Variants in GRIA4 observed in about 807,000 individuals in gnomAD.
The protein encoded by GRIA4 is glutamate ionotropic receptor AMPA type subunit 4.
Under a neutral mutation model 104.0 loss-of-function variants are expected in GRIA4, and 34 were observed. The ratio of observed to expected loss-of-function variants is 0.33; its 90% CI spans 0.25 to 0.44. GRIA4 has a LOEUF of 0.44. GRIA4 is among the 20% of genes least tolerant of loss of function. The pLI, the probability that GRIA4 is intolerant of heterozygous loss-of-function variation, is 1.00. For synonymous variants in GRIA4, 386 were observed against 381.9 expected, an observed-to-expected ratio of 1.01 and a Z score of -0.13; for missense variants, 750 against 1,096.5, an observed-to-expected ratio of 0.68 and a Z score of 4.46.
Position 105,910,418 on chromosome 11 carries a change from T to C in GRIA4, c.1159-17T>C, listed in dbSNP as rs1348260561. ...TGCTTCTAAAATATGTTTTCAAGCA[T>C]GTTCTCTATTTGGCAGGTTGGTTAC... is the stretch of plus-strand genomic sequence containing the variant. On this transcript the variant is annotated splice_polypyrimidine_tract_variant and intron_variant, in intron 9 of 16. Transcript: ENST00000282499. 2 of 1,185,370 alleles carry C rather than the reference T, an allele frequency of 1.7e-6. No individual in the cohort carries two copies. Among genetic ancestry groups the C allele is most frequent in the Non-Finnish European group, 2.5e-6 (2 of 788,710 alleles). 73.4% of individuals were successfully genotyped at this position (1,185,370 alleles called of 1,614,324 possible).
At chr11:105,646,012 G>A (rs974918993) in intron 3 of GRIA4, among the ~76,000 whole-genome samples, 1 of 152,162 alleles carries the variant, frequency 6.6e-6, no homozygotes, top group African/African-American at 2.4e-5. Context: ...TAAAAAATCA[G>A]TATGGTCTTT....
chr11:105,968,754 A>G (rs1037012661), intron 14 of GRIA4, among the ~76,000 whole-genome samples: 1 of 152,224 alleles, frequency 6.6e-6, no homozygotes, highest in Non-Finnish European at 1.5e-5. Context: ...CTTGGGAATA[A>G]AATAGCAAAA....
intron 4 of GRIA4, among the ~76,000 whole-genome samples, chr11:105,794,282 G>A (rs1438595781): frequency 1.3e-5 from 2 of 150,890 alleles, no homozygotes; most frequent in Admixed American, 1.3e-4. Context: ...TTTATAAACA[G>A]TCTATGAAAT....
intron 14 of GRIA4, among the ~76,000 whole-genome samples, chr11:105,956,541 T>G (rs1473614198): frequency 6.6e-6 from 1 of 152,232 alleles, no homozygotes; most frequent in Non-Finnish European, 1.5e-5. Context: ...AAGTCTTTGC[T>G]ATTGTGAATA....
At chr11:105,687,944 A>C (rs926794763) in intron 3 of GRIA4, among the ~76,000 whole-genome samples, 1 of 152,170 alleles carries the variant, frequency 6.6e-6, no homozygotes, top group African/African-American at 2.4e-5. Context: ...ATCAACACCA[A>C]TAGATGACTT....
rs74942918 is a variant in GRIA4, at chr11:105,663,291, G to A, written c.247+50857G>A. On this transcript the variant is annotated intron_variant, in intron 3 of 16. Transcript: ENST00000282499. ...TTAATTATAAAGCTCACAATAGTACGTTAGTTCAACAACTAGTTCTCATTT... is the reference window on the plus strand; with the variant it reads ...TTAATTATAAAGCTCACAATAGTACATTAGTTCAACAACTAGTTCTCATTT... Among the ~76,000 whole-genome samples, 1,047 of 151,842 alleles carry A rather than the reference G, an allele frequency of 6.9e-3. 15 individuals carry two copies. Among genetic ancestry groups the A allele is most frequent in the East Asian group, 0.046 (239 of 5,152 alleles).
At chr11:105,705,273 G>C (rs971861932) in intron 3 of GRIA4, among the ~76,000 whole-genome samples, 2 of 152,028 alleles carry the variant, frequency 1.3e-5, no homozygotes, top group African/African-American at 4.8e-5. Flanking sequence ...ATTCTAAATA[G>C]ACCAGGAATC....
chr11:105,689,521 T>C (rs1012692277), intron 3 of GRIA4, among the ~76,000 whole-genome samples: 6 of 152,188 alleles, frequency 3.9e-5, no homozygotes, highest in African/African-American at 1.2e-4. Flanking sequence ...AAGCCAGCAA[T>C]GTACTTCTCT....
At chr11:105,962,197 G>A (rs1948761644) in intron 14 of GRIA4, among the ~76,000 whole-genome samples, 2 of 152,124 alleles carry the variant, frequency 1.3e-5, no homozygotes. Context: ...AAGTAAATAT[G>A]AGTGAGGCAT....
At chr11:105,873,244 G>T (rs1321395614) in intron 5 of GRIA4, among the ~76,000 whole-genome samples, 1 of 152,102 alleles carries the variant, frequency 6.6e-6, no homozygotes, top group African/African-American at 2.4e-5. Flanking sequence ...TTCCTGCAAA[G>T]GACATGAACT....
chr11:105,642,319 T>A (rs1951388537), intron 3 of GRIA4, among the ~76,000 whole-genome samples: 1 of 152,094 alleles, frequency 6.6e-6, no homozygotes, highest in Non-Finnish European at 1.5e-5. Flanking sequence ...GCATCATTCA[T>A]GGATCTTGAT....
intron 3 of GRIA4, among the ~76,000 whole-genome samples, chr11:105,751,028 TAAGTTA>T (rs1317454301): frequency 6.6e-6 from 1 of 152,178 alleles, no homozygotes; most frequent in Non-Finnish European, 1.5e-5. Context: ...ATTATATGCA[TAAGTTA>T]AAGTACACGA....
chr11:105,685,558 A>G (rs77039612), intron 3 of GRIA4, among the ~76,000 whole-genome samples: 1,840 of 152,318 alleles, frequency 0.012, 20 homozygotes, highest in South Asian at 0.022. Flanking sequence ...ATAAAGATTA[A>G]TAAGATACAC....
At chr11:105,638,257 G>C (rs753173713) in intron 3 of GRIA4, among the ~76,000 whole-genome samples, 2 of 152,148 alleles carry the variant, frequency 1.3e-5, no homozygotes, top group Non-Finnish European at 2.9e-5. Flanking sequence ...GGCAGGTCAT[G>C]CTGATAGGAA....
chr11:105,914,951 C>T (rs1028696630), intron 10 of GRIA4, among the ~76,000 whole-genome samples: 2 of 152,044 alleles, frequency 1.3e-5, no homozygotes, highest in Non-Finnish European at 2.9e-5. Flanking sequence ...TAGCCCCCTA[C>T]CTTTGTATTA....
At chr11:105,717,848 G>T (rs1954151623) in intron 3 of GRIA4, among the ~76,000 whole-genome samples, 1 of 144,990 alleles carries the variant, frequency 6.9e-6, no homozygotes, top group Non-Finnish European at 1.5e-5. Context: ...ATCTCCCAAT[G>T]CTATCCCTCC....
At chr11:105,937,278 T>G (rs935764180) in intron 14 of GRIA4, among the ~76,000 whole-genome samples, 4 of 152,148 alleles carry the variant, frequency 2.6e-5, no homozygotes, top group African/African-American at 9.7e-5. Flanking sequence ...CTATCAACTT[T>G]AATATACAAG....
intron 3 of GRIA4, among the ~76,000 whole-genome samples, chr11:105,695,031 C>T (rs1448605911): frequency 6.6e-6 from 1 of 152,190 alleles, no homozygotes; most frequent in Non-Finnish European, 1.5e-5. Flanking sequence ...ATAGCTAGTT[C>T]AGTAGGAAGT....
chr11:105,867,583 G>A (rs1423991417), intron 5 of GRIA4, among the ~76,000 whole-genome samples: 1 of 152,156 alleles, frequency 6.6e-6, no homozygotes, highest in Non-Finnish European at 1.5e-5. Context: ...TAAACAGCCT[G>A]CCTCTGTATC....
Sources: allele counts gnomAD v4.1 joint callset (sites outside exome capture counted in the v4.1 genomes callset), GRCh38; gene constraint gnomAD v4.1.1; transcripts MANE v1.5; gene names NCBI Gene and HGNC (gene_info 2026-07-23, HGNC 2026-07-21).